IGF2: variants seen among roughly 807,000 people sequenced by gnomAD.
The protein encoded by IGF2 is insulin-like growth factor 2.
A neutral mutation model predicts 12.0 loss-of-function variants in IGF2; 2 were observed. That is an observed-to-expected ratio of 0.17 (90% CI 0.07 to 0.52). The LOEUF is 0.52. Ranked by LOEUF, IGF2 falls within the 20% of genes least tolerant of loss-of-function variation. The pLI, the probability that IGF2 is intolerant of heterozygous loss-of-function variation, is 0.95. For missense variants in IGF2, 211 were observed against 268.0 expected (o/e 0.79, Z 1.48); for synonymous variants, 105 against 110.1 (o/e 0.95, Z 0.29).
In IGF2 at chr11:2,138,522, G is replaced by T; in HGVS notation, c.-300C>A. The T allele has an allele frequency of 1.3e-6, 1 of 787,234 alleles. No individual in the cohort carries two copies. The highest frequency in any genetic ancestry group is 1.5e-6 in the Non-Finnish European group (1 of 661,914). The allele number at this position is 787,234 out of a possible 1,614,324, so 48.8% of individuals were successfully genotyped here. ...GGTCAGCTGTTGTATCAAGGATAGAGGGGGGCAGAGATAGTGGGAGAGACA... is the reference window on the plus strand; with the variant it reads ...GGTCAGCTGTTGTATCAAGGATAGATGGGGGCAGAGATAGTGGGAGAGACA... On this transcript the variant is annotated 5_prime_UTR_variant, in exon 1 of 4. Transcript: ENST00000416167.
chr11:2,130,376 C>T lies in IGF2; in HGVS notation c.*2611G>A, dbSNP rs1237149727. On this transcript the variant is annotated 3_prime_UTR_variant, in exon 4 of 4. Transcript: ENST00000416167. ...TCCAAGGGGGCTCAGTGGCCAGTGC[C>T]CCCCAGGAGGCTCCACCCTCAACTC... 3 of 228,754 alleles carry T rather than the reference C, an allele frequency of 1.3e-5. No homozygotes were observed. The highest frequency in any genetic ancestry group is 5.7e-5 in the Admixed American group (1 of 17,592). The allele number at this position is 228,754 out of a possible 1,614,324, so 14.2% of individuals were successfully genotyped here. A position where few individuals can be genotyped will look rare whatever the true frequency, so the allele number is the denominator to read the frequency against.
Position 2,132,904 on chromosome 11 carries a change from G to A in IGF2, c.*83C>T. The A allele has an allele frequency of 1.0e-6, 1 of 974,724 alleles. No homozygotes were observed. Among genetic ancestry groups the A allele is most frequent in the Middle Eastern group, 2.8e-4 (1 of 3,572 alleles). The allele number at this position is 974,724 out of a possible 1,614,324, so 60.4% of individuals were successfully genotyped here. ...GGGACGTGGAACCGAGAGATTTTCG[G>A]GATGGAACCTGATGGAAACGTCCGT... On this transcript the variant is annotated 3_prime_UTR_variant, in exon 4 of 4. Coordinates refer to ENST00000416167, the MANE Select transcript of IGF2 (RefSeq NM_000612.6).
upstream of IGF2, chr11:2,140,139 A>G (rs1238531843): frequency 2.2e-5 from 35 of 1,612,778 alleles, no homozygotes; most frequent in Admixed American, 5.0e-5. Context: ...TCCTACCTGC[A>G]TGGCCGAGCT....
chr11:2,132,796 C>T lies in IGF2; in HGVS notation c.*191G>A. Reference sequence around the variant, plus strand: ...CATGTTTGAAGATGCTGCTGTGCTTCCTCAGCCCGATGGAGGGGGCCGAGG... The same window carrying T: ...CATGTTTGAAGATGCTGCTGTGCTTTCTCAGCCCGATGGAGGGGGCCGAGG... On this transcript the variant is annotated 3_prime_UTR_variant, in exon 4 of 4. Coordinates refer to ENST00000416167, the MANE Select transcript of IGF2 (RefSeq NM_000612.6). 1.8e-6 allele frequency: 1 copy of T among 545,050 alleles called. No homozygotes were observed. The highest frequency in any genetic ancestry group is 3.2e-6 in the Non-Finnish European group (1 of 308,482). The allele number at this position is 545,050 out of a possible 1,614,324, so 33.8% of individuals were successfully genotyped here.
chr11:2,149,035 C>G, the IGF2 span: 4 of 1,228,018 alleles, frequency 3.3e-6, no homozygotes, highest in Non-Finnish European at 4.7e-6. Flanking sequence ...AACCAGGATC[C>G]TGGCAGCTGC....
the IGF2 span, chr11:2,149,221 C>G: frequency 3.1e-6 from 5 of 1,613,432 alleles, no homozygotes; most frequent in Non-Finnish European, 4.2e-6. Context: ...GCCGAAACTG[C>G]CTGGACGATG....
the IGF2 span, chr11:2,149,204 G>A: frequency 1.2e-6 from 2 of 1,613,396 alleles, no homozygotes; most frequent in Admixed American, 1.7e-5. Context: ...GGTGCCCAAG[G>A]CTCTCTGCCG....
intron 2 of IGF2, chr11:2,134,229 G>T: frequency 2.2e-6 from 1 of 458,128 alleles, no homozygotes; most frequent in Non-Finnish European, 4.4e-6. Flanking sequence ...GCAATGCTCA[G>T]CTGGAAGGGG....
Position 2,132,879 on chromosome 11 carries a change from G to A in IGF2, c.*108C>T. ...GGACTGGGTCAGGAGAAGCCCCAGG[G>A]GGACGTGGAACCGAGAGATTTTCGG... On this transcript the variant is annotated 3_prime_UTR_variant, in exon 4 of 4. Transcript: ENST00000416167. The A allele has an allele frequency of 2.6e-6, 2 of 779,224 alleles. No individual in the cohort carries two copies. The highest frequency in any genetic ancestry group is 1.8e-5 in the South Asian group (1 of 56,460). 48.3% of individuals were successfully genotyped at this position (779,224 alleles called of 1,614,324 possible). A position where few individuals can be genotyped will look rare whatever the true frequency, so the allele number is the denominator to read the frequency against.
At position 2,135,538 on chromosome 11, in the gene IGF2, G is replaced by A. The variant is rs760668968; in HGVS notation, c.-6-9C>T. The stretch of plus-strand genomic sequence containing the variant: ...GGGATTCCCATTGGTGTCTGGGGGC[G>A]GGAGAGAAGTGGCGTGAGCGGGGCA... On this transcript the variant is annotated splice_polypyrimidine_tract_variant and intron_variant, in intron 1 of 3. Transcript: ENST00000416167. 20 of 1,611,070 alleles carry A rather than the reference G, an allele frequency of 1.2e-5. No homozygotes were observed. The highest frequency in any genetic ancestry group is 6.6e-5 in the South Asian group (6 of 90,802).
upstream of IGF2, among the ~76,000 whole-genome samples, chr11:2,139,779 C>G (rs1352796263): frequency 6.6e-6 from 1 of 151,860 alleles, no homozygotes; most frequent in Non-Finnish European, 1.5e-5. Context: ...GGGCTCCCAG[C>G]GCCCCACCAG....
At chr11:2,149,561 T>C in the IGF2 span, 1 of 603,776 alleles carries the variant, frequency 1.7e-6, no homozygotes, top group East Asian at 2.8e-5. Flanking sequence ...CTGGGGCAGC[T>C]GGCTCAGGCA....
rs1293763541 is a variant in IGF2 at position 2,130,554 on chromosome 11, G to C, written c.*2433C>G. 1 of 190,538 alleles carries C rather than the reference G, an allele frequency of 5.2e-6. No homozygotes were observed. Among genetic ancestry groups the C allele is most frequent in the Admixed American group, 6.9e-5 (1 of 14,450 alleles). 11.8% of individuals were successfully genotyped at this position (190,538 alleles called of 1,614,324 possible). A position where few individuals can be genotyped will look rare whatever the true frequency, so the allele number is the denominator to read the frequency against. On this transcript the variant is annotated 3_prime_UTR_variant, in exon 4 of 4. Coordinates refer to ENST00000416167, the MANE Select transcript of IGF2 (RefSeq NM_000612.6). ...GGGGGGGGGGTTTAATTTGGTTTCT[G>C]AGCGCATAAAGCTAAGGAGGGGTAA...
chr11:2,130,821 C>T lies in IGF2; in HGVS notation c.*2166G>A, dbSNP rs966659394. The T allele has an allele frequency of 1.0e-5, 2 of 192,746 alleles. No homozygotes were observed. Among genetic ancestry groups the T allele is most frequent in the South Asian group, 2.0e-4 (1 of 5,004 alleles). 11.9% of individuals were successfully genotyped at this position (192,746 alleles called of 1,614,324 possible). Reference sequence around the variant, plus strand: ...CAACCGCCAGACTTCCCACACTCCCCGCATCAGTGCACGGCCCCCGAGGAC... The same window carrying T: ...CAACCGCCAGACTTCCCACACTCCCTGCATCAGTGCACGGCCCCCGAGGAC... On this transcript the variant is annotated 3_prime_UTR_variant, in exon 4 of 4. Coordinates refer to ENST00000416167, the MANE Select transcript of IGF2 (RefSeq NM_000612.6).
rs747883669 is a variant in IGF2 at position 2,133,503 on chromosome 11, C to T, written c.306+14G>A. 2.5e-6 allele frequency: 4 copies of T among 1,608,050 alleles called. No individual in the cohort carries two copies. The highest frequency in any genetic ancestry group is 1.7e-4 in the Middle Eastern group (1 of 6,020). ...CTGTCTCTAGAGAGTGGGAAAGGGG[C>T]CCAGGACCCTCACCGGAAGCACGGT... is the stretch of plus-strand genomic sequence containing the variant. On this transcript the variant is annotated intron_variant, in intron 3 of 3. Coordinates refer to ENST00000416167, the MANE Select transcript of IGF2 (RefSeq NM_000612.6). This position sits in a 1 kb window ranked among gnomAD's most constrained non-coding sequence, Gnocchi z 8.9.
Position 2,138,816 on chromosome 11 carries a change from A to G in IGF2, c.-594T>C. On this transcript the variant is annotated 5_prime_UTR_variant, in exon 1 of 4. Transcript: ENST00000416167. Reference sequence around the variant, plus strand: ...AGACGCCAAGAGGGGCGCGGGGAGCACAGAGAAGCGGAGGGAAGGGCGCCA... The same window carrying G: ...AGACGCCAAGAGGGGCGCGGGGAGCGCAGAGAAGCGGAGGGAAGGGCGCCA... The G allele has an allele frequency of 1.1e-6, 1 of 937,084 alleles. No homozygotes were observed. Among genetic ancestry groups the G allele is most frequent in the South Asian group, 5.0e-5 (1 of 20,122 alleles). The allele number at this position is 937,084 out of a possible 1,614,324, so 58.0% of individuals were successfully genotyped here.
Position 2,133,301 on chromosome 11 carries a change from G to A in IGF2, c.307-78C>T. The A allele has an allele frequency of 3.5e-6, 4 of 1,131,298 alleles. No homozygotes were observed. Among genetic ancestry groups the A allele is most frequent in the Non-Finnish European group, 3.7e-6 (3 of 800,838 alleles). The allele number at this position is 1,131,298 out of a possible 1,614,324, so 70.1% of individuals were successfully genotyped here. ...CTGAGCCGCCCGCCTGACCTGACAG[G>A]CCACCCCTGTGACTGATCAGTGACT... On this transcript the variant is annotated intron_variant, in intron 3 of 3. Transcript: ENST00000416167. This position sits in a 1 kb window ranked among gnomAD's most constrained non-coding sequence, Gnocchi z 8.9.
chr11:2,138,393 G>GC lies in IGF2; in HGVS notation c.-172_-171insG, dbSNP rs1374443864. ...GCGGGGGGATGGCTTTTTTTTGGGG[G>GC]GGGGGGGAGAATTCGTCTGATTGTC... is the stretch of plus-strand genomic sequence containing the variant. On this transcript the variant is annotated 5_prime_UTR_variant, in exon 1 of 4. Coordinates refer to ENST00000416167, the MANE Select transcript of IGF2 (RefSeq NM_000612.6). The GC allele has an allele frequency of 1.1e-5, 6 of 539,028 alleles. No homozygotes were observed. Among genetic ancestry groups the GC allele is most frequent in the Admixed American group, 6.5e-5 (1 of 15,372 alleles). 33.4% of individuals were successfully genotyped at this position (539,028 alleles called of 1,614,324 possible). A position where few individuals can be genotyped will look rare whatever the true frequency, so the allele number is the denominator to read the frequency against.
chr11:2,138,205 G>GCCCCGT (rs1859233278), intron 1 of IGF2, 24 bp downstream of exon 1: 1 of 983,800 alleles, frequency 1.0e-6, no homozygotes, highest in Non-Finnish European at 1.2e-6. Flanking sequence ...CCCGGCCCCG[G>GCCCCGT]CCCGGCCCGC....
Sources: gnomAD v4.1 joint callset for allele counts (sites outside exome capture counted in the v4.1 genomes callset) on GRCh38, gnomAD v4.1.1 for gene constraint, Gnocchi (gnomAD v3.1) non-coding constraint, MANE v1.5 for transcripts, NCBI Gene and HGNC (gene_info 2026-07-23, HGNC 2026-07-21) for gene names.